The following CPNE9 variants were observed in gnomAD, a reference collection of about 807,000 sequenced individuals.
CPNE9 encodes the protein copine family member 9, also known as copine-9.
Under a neutral mutation model 83.0 loss-of-function variants are expected in CPNE9, and 59 were observed. The observed-to-expected ratio is 0.71, with a 90% confidence interval of 0.58 to 0.88. The LOEUF is 0.88. Among genes scored for constraint, CPNE9 ranks in the 40% least tolerant of loss-of-function variants. CPNE9 has a pLI of 0.00. For missense variants in CPNE9, 619 were observed against 720.8 expected, an observed-to-expected ratio of 0.86 and a Z score of 1.62; for synonymous variants, 256 against 273.4, an observed-to-expected ratio of 0.94 and a Z score of 0.63.
At chr3:9,707,983 G>C (rs2076581150) in intron 7 of CPNE9, among the ~76,000 whole-genome samples, 1 of 152,172 alleles carries the variant, frequency 6.6e-6, no homozygotes, top group African/African-American at 2.4e-5. Context: ...CTGTAGCCCA[G>C]GCTGGAGCGC....
At position 9,705,534 on chromosome 3, in the gene CPNE9, G is replaced by T. The variant is rs767848325; in HGVS notation, c.297+34G>T. Reference sequence around the variant, plus strand: ...ACGTTTCCTCGAGGGTTGGCGGAGCGCACAGGAGGCACTTAGATGTGTTCA... The same window carrying T: ...ACGTTTCCTCGAGGGTTGGCGGAGCTCACAGGAGGCACTTAGATGTGTTCA... On this transcript the variant is annotated intron_variant, in intron 5 of 20. Transcript: ENST00000383832. 3.1e-6 allele frequency: 5 copies of T among 1,606,768 alleles called. No individual in the cohort carries two copies. In the South Asian group the frequency reaches 3.3e-5, roughly 11 times the overall value.
intron 16 of CPNE9, 62 bp from the exon 17 acceptor site, chr3:9,718,413 A>C (rs1375871930): frequency 6.4e-7 from 1 of 1,564,402 alleles, no homozygotes; most frequent in Admixed American, 1.8e-5. Flanking sequence ...GTGAGCTGGA[A>C]TCAGAGCACT....
intron 6 of CPNE9, 98 bp downstream of exon 6, chr3:9,705,818 C>T (rs1329053711): frequency 7.0e-7 from 1 of 1,427,190 alleles, no homozygotes; most frequent in East Asian, 2.3e-5. Context: ...AGATTGCTCG[C>T]AGACCCCTTC....
At chr3:9,712,646 T>C in intron 8 of CPNE9, 42 bp downstream of exon 8, 1 of 1,609,460 alleles carries the variant, frequency 6.2e-7, no homozygotes, top group Non-Finnish European at 8.5e-7. Flanking sequence ...CTCCCTTCTC[T>C]CCCCGTAAAC....
intron 5 of CPNE9, 56 bp from the exon 6 acceptor site, chr3:9,705,662 G>A (rs1233267355): frequency 3.1e-6 from 5 of 1,610,442 alleles, no homozygotes; most frequent in Non-Finnish European, 4.2e-6. Context: ...TGTCCTGCCT[G>A]TGCCCCCTAC....
intron 17 of CPNE9, among the ~76,000 whole-genome samples, chr3:9,725,694 A>G (rs1382380954): frequency 7.3e-6 from 1 of 136,514 alleles, no homozygotes; most frequent in Admixed American, 7.2e-5. Context: ...ATATACATAT[A>G]TGTGTATATA....
Position 9,718,551 on chromosome 3 carries a change from T to C in CPNE9, c.1190T>C (p.Val397Ala). 1 of 1,613,554 alleles carries C rather than the reference T, an allele frequency of 6.2e-7. No homozygotes were observed. ...LESYFQSLRT[V>A]QLYGPTYFAP... ...AGCTATTTCCAGAGCCTGCGCACAG[T>C]GCAGCTCTATGGGCCCACCTACTTT... is the stretch of plus-strand genomic sequence containing the variant. The change falls in exon 17 of 21, where the codon GTG becomes GCG. Residue 397 changes from valine to alanine, a missense_variant. Val to Ala is a moderately conservative substitution (Grantham distance 64). Coordinates refer to ENST00000383832, the MANE Select transcript of CPNE9 (RefSeq NM_153635.3).
At chr3:9,725,602 A>G (rs1039418501) in intron 17 of CPNE9, among the ~76,000 whole-genome samples, 30 of 143,344 alleles carry the variant, frequency 2.1e-4, no homozygotes, top group Non-Finnish European at 4.2e-4. Flanking sequence ...ATATGTGTAT[A>G]TGTATGTGTA....
chr3:9,704,560 CTCTG>C lies in CPNE9; in HGVS notation c.69-17_69-14del, dbSNP rs754542437. 4.9e-5 allele frequency: 78 copies of C among 1,606,338 alleles called. No individual in the cohort carries two copies. The highest frequency in any genetic ancestry group is 8.9e-5 in the East Asian group (4 of 44,856). On this transcript the variant is annotated intron_variant, in intron 1 of 20. Coordinates refer to ENST00000383832, the MANE Select transcript of CPNE9 (RefSeq NM_153635.3). The surrounding 1 kb of genome is among the most constrained non-coding windows in gnomAD (Gnocchi z 7.1). Reference sequence around the variant, plus strand: ...GGCGGGCGGACTCCAGGATGATCCACTCTGTCTGTCTGTTGCTTTTCTCTAGGAA... The same window carrying C: ...GGCGGGCGGACTCCAGGATGATCCACTCTGTCTGTTGCTTTTCTCTAGGAA...
intron 15 of CPNE9, among the ~76,000 whole-genome samples, chr3:9,717,578 T>C (rs1420834229): frequency 1.3e-5 from 2 of 152,084 alleles, no homozygotes; most frequent in African/African-American, 4.8e-5. Context: ...AGGGAATGAA[T>C]GGAATGGAGA....
chr3:9,726,868 C>T (rs968870312), intron 19 of CPNE9, 146 bp downstream of exon 19: 7 of 807,756 alleles, frequency 8.7e-6, no homozygotes, highest in African/African-American at 8.5e-5. Flanking sequence ...TTCTCTGAAC[C>T]TGTTTCCTTA....
At chr3:9,711,857 T>A (rs998747850) in intron 7 of CPNE9, among the ~76,000 whole-genome samples, 1 of 152,186 alleles carries the variant, frequency 6.6e-6, no homozygotes, top group African/African-American at 2.4e-5. Context: ...TCCCTCTCCA[T>A]GGTCTTCAGA....
intron 17 of CPNE9, among the ~76,000 whole-genome samples, chr3:9,722,639 C>T (rs927326046): frequency 5.3e-5 from 8 of 152,054 alleles, no homozygotes; most frequent in Admixed American, 3.9e-4. Context: ...CTCAGCCTTC[C>T]AAGTAGCTAA....
intron 17 of CPNE9, among the ~76,000 whole-genome samples, chr3:9,722,922 C>G (rs940891223): frequency 2.6e-5 from 4 of 151,408 alleles, no homozygotes; most frequent in African/African-American, 9.8e-5. Context: ...CCTGGCTAAA[C>G]CCAACCCATT....
At chr3:9,729,048 G>A (rs898266315) in intron 20 of CPNE9, among the ~76,000 whole-genome samples, 1 of 152,210 alleles carries the variant, frequency 6.6e-6, no homozygotes, top group Non-Finnish European at 1.5e-5. Flanking sequence ...GAAGGGACCA[G>A]GTTTAGAGAG....
Position 9,729,668 on chromosome 3 carries a change from G to A in CPNE9, c.1638G>A (p.Pro546=), listed in dbSNP as rs200650201. The A allele has an allele frequency of 2.5e-3, 4,025 of 1,610,318 alleles. 7 individuals carry two copies. The highest frequency in any genetic ancestry group is 3.1e-3 in the Non-Finnish European group (3,651 of 1,177,160). ...PRPPPPANPS[P]IPAPEQP ...CCCCACCCCCTGCCAACCCCAGCCCGATCCCAGCTCCAGAGCAGCCCTGAG... is the reference window on the plus strand; with the variant it reads ...CCCCACCCCCTGCCAACCCCAGCCCAATCCCAGCTCCAGAGCAGCCCTGAG... Residue 546 remains proline, a synonymous_variant, in exon 21 of 21, where the codon CCG becomes CCA. Transcript: ENST00000383832.
In CPNE9 at chr3:9,724,188, C is replaced by CTT. The variant is rs201939446; in HGVS notation, c.1242-1745_1242-1744dup. Among the ~76,000 whole-genome samples, 1,088 of 136,418 alleles carry CTT rather than the reference C, an allele frequency of 8.0e-3. 14 individuals carry two copies. The highest frequency in any genetic ancestry group is 0.023 in the Middle Eastern group (6 of 262). 89.5% of individuals were successfully genotyped at this position (136,418 alleles called of 152,430 possible). A position where few individuals can be genotyped will look rare whatever the true frequency, so the allele number is the denominator to read the frequency against. On this transcript the variant is annotated intron_variant, in intron 17 of 20. Coordinates refer to ENST00000383832, the MANE Select transcript of CPNE9 (RefSeq NM_153635.3). ...CACTACCTTTGTGCCCTCTCTAGGT[C>CTT]TTTTTTTTTTTTTTTTTGAATATGC...
At chr3:9,720,757 T>C (rs570734156) in intron 17 of CPNE9, among the ~76,000 whole-genome samples, 1 of 152,332 alleles carries the variant, frequency 6.6e-6, no homozygotes, top group African/African-American at 2.4e-5. Context: ...TATTATCTTA[T>C]GCAACTACAC....
intron 20 of CPNE9, among the ~76,000 whole-genome samples, chr3:9,729,141 G>C (rs184482364): frequency 6.6e-6 from 1 of 152,214 alleles, no homozygotes; most frequent in South Asian, 2.1e-4. Flanking sequence ...GGTATCAAGA[G>C]TGGGACGTGT....
Sources: allele counts gnomAD v4.1 joint callset (sites outside exome capture counted in the v4.1 genomes callset), GRCh38; gene constraint gnomAD v4.1.1; non-coding constraint Gnocchi (gnomAD v3.1); transcripts MANE v1.5; gene names NCBI Gene and HGNC (gene_info 2026-07-23, HGNC 2026-07-21).